LARP4: variants seen among roughly 807,000 people sequenced by gnomAD.
LARP4 encodes the protein la-related protein 4.
In LARP4, 29 loss-of-function variants were observed where a neutral mutation model predicts 92.9. The ratio of observed to expected loss-of-function variants is 0.31; its 90% CI spans 0.23 to 0.43. LARP4 has a LOEUF of 0.43. Ranked by LOEUF, LARP4 falls within the 20% of genes least tolerant of loss-of-function variation. The pLI, the probability that LARP4 is intolerant of heterozygous loss-of-function variation, is 1.00. For missense variants in LARP4, 732 were observed against 860.0 expected, an observed-to-expected ratio of 0.85 and a Z score of 1.86; for synonymous variants, 279 against 284.1, an observed-to-expected ratio of 0.98 and a Z score of 0.18.
At chr12:50,459,621 C>G (rs1954957575) in intron 10 of LARP4, among the ~76,000 whole-genome samples, 1 of 151,978 alleles carries the variant, frequency 6.6e-6, no homozygotes, top group African/African-American at 2.4e-5. Context: ...GTCAGGAGAT[C>G]GAGACCATCG....
At chr12:50,411,424 A>G (rs1174115580) in intron 1 of LARP4, among the ~76,000 whole-genome samples, 2 of 152,004 alleles carry the variant, frequency 1.3e-5, no homozygotes, top group Non-Finnish European at 2.9e-5. Context: ...ATCTCAGCTC[A>G]CGGCAACCCC....
intron 1 of LARP4, among the ~76,000 whole-genome samples, chr12:50,411,639 A>G (rs1432580332): frequency 1.3e-5 from 2 of 150,800 alleles, no homozygotes; most frequent in African/African-American, 2.4e-5. Flanking sequence ...TAGGGACCCT[A>G]GTTGTAATCT....
chr12:50,462,543 C>G, intron 11 of LARP4, 39 bp from the exon 12 acceptor site: 4 of 1,044,728 alleles, frequency 3.8e-6, no homozygotes, highest in African/African-American at 1.6e-5. Context: ...TGACTTGTCC[C>G]TCCACCCCAC....
chr12:50,426,895 C>T (rs868703249), intron 1 of LARP4, among the ~76,000 whole-genome samples: 23 of 151,846 alleles, frequency 1.5e-4, no homozygotes, highest in Middle Eastern at 3.2e-3. Flanking sequence ...CCCACCAACA[C>T]GCCTGGCTAA....
chr12:50,455,261 T>A (rs1264491648), intron 10 of LARP4, among the ~76,000 whole-genome samples: 2 of 152,136 alleles, frequency 1.3e-5, no homozygotes, highest in African/African-American at 4.8e-5. Context: ...CAGGGTCTGT[T>A]TATGTTGCCT....
intron 1 of LARP4, 82 bp from the exon 2 acceptor site, chr12:50,427,680 A>T: frequency 2.4e-6 from 2 of 824,696 alleles, no homozygotes; most frequent in Non-Finnish European, 3.5e-6. Context: ...ACTTTTAAGT[A>T]ATGGAAAAGT....
chr12:50,444,873 G>T (rs530934624), intron 8 of LARP4, among the ~76,000 whole-genome samples: 6 of 152,078 alleles, frequency 3.9e-5, no homozygotes, highest in Non-Finnish European at 7.4e-5. Context: ...AACCAGCAAC[G>T]AATTCTCTTA....
At chr12:50,405,118 C>T (rs1944565860) in intron 1 of LARP4, among the ~76,000 whole-genome samples, 1 of 151,120 alleles carries the variant, frequency 6.6e-6, no homozygotes, top group Non-Finnish European at 1.5e-5. Flanking sequence ...AGGCTGGTCT[C>T]GAACTGCTGA....
At chr12:50,460,563 ATCC>A (rs1955191124) in intron 10 of LARP4, among the ~76,000 whole-genome samples, 2 of 151,982 alleles carry the variant, frequency 1.3e-5, no homozygotes, top group African/African-American at 2.4e-5. Context: ...ATCTCAAACA[ATCC>A]TCCTGCCTCA....
intron 13 of LARP4, among the ~76,000 whole-genome samples, chr12:50,470,919 A>G (rs1956859255): frequency 6.6e-6 from 1 of 152,142 alleles, no homozygotes; most frequent in Non-Finnish European, 1.5e-5. Flanking sequence ...GTGAAGGGCC[A>G]GATACTAATA....
chr12:50,458,108 A>ATT (rs550782259), intron 10 of LARP4, among the ~76,000 whole-genome samples: 4 of 142,246 alleles, frequency 2.8e-5, no homozygotes, highest in African/African-American at 1.0e-4. Context: ...AAGTTTTTGT[A>ATT]TTTTTTTTTT....
At chr12:50,464,612 C>T (rs1272863670) in intron 12 of LARP4, among the ~76,000 whole-genome samples, 2 of 152,058 alleles carry the variant, frequency 1.3e-5, no homozygotes, top group African/African-American at 2.4e-5. Context: ...AGGCTGGTCT[C>T]GAACTCCTGA....
At chr12:50,453,052 G>A (rs1023452342) in intron 8 of LARP4, among the ~76,000 whole-genome samples, 14 of 151,522 alleles carry the variant, frequency 9.2e-5, no homozygotes, top group African/African-American at 3.4e-4. Context: ...TAGGACTACA[G>A]GTTGCATGCC....
chr12:50,460,258 T>TAAG (rs1438910183), intron 10 of LARP4, among the ~76,000 whole-genome samples: 1 of 152,186 alleles, frequency 6.6e-6, no homozygotes, highest in Non-Finnish European at 1.5e-5. Flanking sequence ...TTCTGAGTAT[T>TAAG]AAGGTAGAAG....
intron 1 of LARP4, 76 bp downstream of exon 1, chr12:50,401,104 T>A: frequency 6.4e-7 from 1 of 1,558,798 alleles, no homozygotes; most frequent in Non-Finnish European, 8.8e-7. Context: ...CCCACCGCCA[T>A]GTGACTTTCC....
chr12:50,433,636 A>G (rs954265299), intron 4 of LARP4, among the ~76,000 whole-genome samples: 3 of 149,772 alleles, frequency 2.0e-5, no homozygotes, highest in African/African-American at 5.0e-5. Context: ...TTCTTAAGGA[A>G]TATCTTTTTT....
At chr12:50,422,036 C>T (rs1947892805) in intron 1 of LARP4, among the ~76,000 whole-genome samples, 1 of 149,206 alleles carries the variant, frequency 6.7e-6, no homozygotes. Context: ...GTGGCGTGAT[C>T]ACTGCTTACT....
intron 13 of LARP4, among the ~76,000 whole-genome samples, chr12:50,468,121 A>ATGAGTAGCT (rs1956404666): frequency 6.6e-6 from 1 of 151,954 alleles, no homozygotes; most frequent in Non-Finnish European, 1.5e-5. Context: ...CTGGGATTAT[A>ATGAGTAGCT]GGCATGTGCC....
intron 1 of LARP4, among the ~76,000 whole-genome samples, chr12:50,426,765 G>A (rs1409745904): frequency 2.3e-5 from 3 of 133,076 alleles, no homozygotes; most frequent in African/African-American, 8.4e-5. Context: ...TTTTGAGACC[G>A]AGTCTCACTG....
Sources: gnomAD v4.1 joint callset for allele counts (sites outside exome capture counted in the v4.1 genomes callset) on GRCh38, gnomAD v4.1.1 for gene constraint, MANE v1.5 for transcripts, NCBI Gene and HGNC (gene_info 2026-07-23, HGNC 2026-07-21) for gene names.